ZNF800: variants seen among roughly 807,000 people sequenced by gnomAD.
ZNF800 encodes zinc finger protein 800.
Under a neutral mutation model 59.5 loss-of-function variants are expected in ZNF800, and 13 were observed. The observed-to-expected ratio is 0.22, with a 90% CI of 0.14 to 0.35. The LOEUF (loss-of-function observed/expected upper bound fraction) is 0.35. ZNF800 is among the 10% of genes least tolerant of loss of function. The probability of loss-of-function intolerance (pLI) is 1.00; values close to 1 mark genes in which losing one functional copy is unlikely to be tolerated. For synonymous variants in ZNF800, 266 were observed against 265.7 expected (o/e 1.00, Z -0.01); for missense variants, 621 against 783.7 (o/e 0.79, Z 2.48).
Position 127,370,641 on chromosome 7 carries a change from A to G in ZNF800, c.*1173T>C, listed in dbSNP as rs1276311336. 1 of 152,560 alleles carries G rather than the reference A, an allele frequency of 6.6e-6. No individual in the cohort carries two copies. The highest frequency in any genetic ancestry group is 1.5e-5 in the Non-Finnish European group (1 of 67,992). The allele number at this position is 152,560 out of a possible 1,614,324, so 9.5% of individuals were successfully genotyped here. A position where few individuals can be genotyped will look rare whatever the true frequency, so the allele number is the denominator to read the frequency against. On this transcript the variant is annotated 3_prime_UTR_variant, in exon 6 of 6. Coordinates refer to ENST00000265827, the MANE Select transcript of ZNF800 (RefSeq NM_176814.5). ...GTGTGAACCTATATAAAAACATGGT[A>G]TATTTTCTGCTGTACCTTTTATAAT...
At chr7:127,366,550 A>AT (rs1800510262), downstream of ZNF800, among the ~76,000 whole-genome samples, 3 of 152,222 alleles carry the variant, frequency 2.0e-5, no homozygotes, top group Admixed American at 2.0e-4. Context: ...TCAAAACACT[A>AT]TTTTCCACAT....
rs1801376013 is a variant in ZNF800, at chr7:127,392,618, C to A, written c.-617G>T. 1 of 164,436 alleles carries A rather than the reference C, an allele frequency of 6.1e-6. No individual in the cohort carries two copies. The highest frequency in any genetic ancestry group is 2.0e-4 in the South Asian group (1 of 4,938). 10.2% of individuals were successfully genotyped at this position (164,436 alleles called of 1,614,324 possible). A position where few individuals can be genotyped will look rare whatever the true frequency, so the allele number is the denominator to read the frequency against. On this transcript the variant is annotated 5_prime_UTR_variant, in exon 1 of 6. Transcript: ENST00000265827. ...AGTCAGCCTCTCTTTTACTCTGTCG[C>A]CCCCTCCTCCGGAGAGCCCGAGCTA...
intron 1 of ZNF800, chr7:127,349,887 C>G (rs747632141): frequency 6.6e-6 from 1 of 152,188 alleles, no homozygotes; most frequent in Non-Finnish European, 1.5e-5. Context: ...ACTATTCATA[C>G]AGTGATTTCA....
downstream of ZNF800, among the ~76,000 whole-genome samples, chr7:127,344,748 T>A (rs193113072): frequency 2.7e-4 from 41 of 152,248 alleles, no homozygotes; most frequent in East Asian, 5.4e-3. Context: ...AAATGTGGAA[T>A]TTTTAAAACA....
chr7:127,361,648 T>C (rs1274118098), intron 1 of ZNF800: 2 of 152,242 alleles, frequency 1.3e-5, no homozygotes, highest in South Asian at 2.1e-4. Context: ...TCAAGTCATA[T>C]TTTTCTTCAG....
exon 2 of ZNF800, chr7:127,347,506 T>C (rs1015866093): frequency 2.0e-5 from 3 of 152,132 alleles, no homozygotes; most frequent in Admixed American, 2.0e-4. Flanking sequence ...ATAGGAAATC[T>C]ATAAATTACA....
At chr7:127,348,396 C>A (rs1800109277) in intron 1 of ZNF800, among the ~76,000 whole-genome samples, 2 of 130,818 alleles carry the variant, frequency 1.5e-5, no homozygotes, top group African/African-American at 2.9e-5. Flanking sequence ...AGTGCAGTAT[C>A]TATAATAGAA....
At chr7:127,389,507 C>G (rs1801241128) in intron 2 of ZNF800, among the ~76,000 whole-genome samples, 2 of 152,122 alleles carry the variant, frequency 1.3e-5, no homozygotes, top group Non-Finnish European at 2.9e-5. Context: ...CATCTTCCCT[C>G]CATCTGTGGA....
At position 127,371,828 on chromosome 7, in the gene ZNF800, G is replaced by T; in HGVS notation, c.*-14C>A. The T allele has an allele frequency of 1.3e-6, 1 of 764,742 alleles. No individual in the cohort carries two copies. The highest frequency in any genetic ancestry group is 1.8e-5 in the Admixed American group (1 of 56,614). 47.4% of individuals were successfully genotyped at this position (764,742 alleles called of 1,614,324 possible). A position where few individuals can be genotyped will look rare whatever the true frequency, so the allele number is the denominator to read the frequency against. On this transcript the variant is annotated splice_polypyrimidine_tract_variant and intron_variant, in intron 5 of 5. Transcript: ENST00000265827. ...ACTTGAAGTTATCTGAGGAGAAATG[G>T]GAATAAATGAACACTTTTGAGTTTA...
At chr7:127,364,456 G>C (rs1288135309) in intron 1 of ZNF800, 1 of 152,032 alleles carries the variant, frequency 6.6e-6, no homozygotes, top group Non-Finnish European at 1.5e-5. Flanking sequence ...TGATATAGAA[G>C]GAAAACAAGG....
chr7:127,383,550 T>G (rs1801035309), intron 3 of ZNF800, among the ~76,000 whole-genome samples: 1 of 152,176 alleles, frequency 6.6e-6, no homozygotes, highest in South Asian at 2.1e-4. Flanking sequence ...GAACAGAGCC[T>G]CAGAGCTAGA....
At chr7:127,372,163 G>A (rs1026955176) in intron 5 of ZNF800, among the ~76,000 whole-genome samples, 6 of 152,058 alleles carry the variant, frequency 3.9e-5, no homozygotes, top group Middle Eastern at 3.2e-3. Context: ...ATCTACATTT[G>A]TTCCAAAACC....
chr7:127,348,411 A>T (rs1174282259), intron 1 of ZNF800, among the ~76,000 whole-genome samples: 1 of 140,728 alleles, frequency 7.1e-6, no homozygotes, highest in South Asian at 2.4e-4. Flanking sequence ...ATAGAAAAAA[A>T]AAATGCCAGA....
At chr7:127,379,870 C>CAGAGAG (rs71179575) in intron 3 of ZNF800, among the ~76,000 whole-genome samples, 11 of 83,888 alleles carry the variant, frequency 1.3e-4, no homozygotes, top group African/African-American at 5.9e-4. Flanking sequence ...CACACACACA[C>CAGAGAG]AGAGAGAGAG....
At chr7:127,347,884 C>T (rs1028182133) in exon 2 of ZNF800, 9 of 150,396 alleles carry the variant, frequency 6.0e-5, no homozygotes, top group Non-Finnish European at 1.3e-4. Flanking sequence ...TCCCCAGGCC[C>T]CGGGCAGCGT....
intron 1 of ZNF800, among the ~76,000 whole-genome samples, chr7:127,349,238 A>G (rs892366976): frequency 6.6e-6 from 1 of 152,236 alleles, no homozygotes; most frequent in Non-Finnish European, 1.5e-5. Context: ...AATGGGATCA[A>G]AACTAAAATA....
At chr7:127,391,373 C>A (rs911651101) in intron 2 of ZNF800, 124 bp downstream of exon 2, 34 of 935,678 alleles carry the variant, frequency 3.6e-5, no homozygotes, top group Non-Finnish European at 5.0e-5. Flanking sequence ...CTGGCTTATG[C>A]TAGGGAATAT....
At chr7:127,356,767 A>ATG (rs200230284) in intron 1 of ZNF800, among the ~76,000 whole-genome samples, 8 of 146,862 alleles carry the variant, frequency 5.4e-5, no homozygotes, top group Non-Finnish European at 9.2e-5. Context: ...AAACTTAAAA[A>ATG]TGTGTGTGTG....
chr7:127,392,307 C>G lies in ZNF800; in HGVS notation c.-306G>C, dbSNP rs1365008455. On this transcript the variant is annotated 5_prime_UTR_variant, in exon 1 of 6. Transcript: ENST00000265827. ...GACTGCGGCGGCGGCTCACGGCGTCCTCCGCGCTGTGTGGCTAGGCGGGAG... is the reference window on the plus strand; with the variant it reads ...GACTGCGGCGGCGGCTCACGGCGTCGTCCGCGCTGTGTGGCTAGGCGGGAG... 1.5e-5 allele frequency: 6 copies of G among 387,412 alleles called. No individual in the cohort carries two copies. The highest frequency in any genetic ancestry group is 1.3e-4 in the Admixed American group (3 of 22,296). The allele number at this position is 387,412 out of a possible 1,614,324, so 24.0% of individuals were successfully genotyped here. A position where few individuals can be genotyped will look rare whatever the true frequency, so the allele number is the denominator to read the frequency against.
Sources: allele counts gnomAD v4.1 joint callset (sites outside exome capture counted in the v4.1 genomes callset), GRCh38; gene constraint gnomAD v4.1.1; transcripts MANE v1.5; gene names NCBI Gene and HGNC (gene_info 2026-07-23, HGNC 2026-07-21).